The following NCAPG2 variants were observed in gnomAD, a reference collection of about 807,000 sequenced individuals.
The protein encoded by NCAPG2 is non-SMC condensin II complex subunit G2.
In NCAPG2, 53 loss-of-function variants were observed where a neutral mutation model predicts 141.1. The ratio of observed to expected loss-of-function variants is 0.38; its 90% CI spans 0.30 to 0.47. NCAPG2 has a LOEUF of 0.47. NCAPG2 is among the 20% of genes least tolerant of loss of function. NCAPG2 has a pLI of 0.99. For synonymous variants in NCAPG2, 499 were observed against 490.7 expected (o/e 1.02, Z -0.22); for missense variants, 1,087 against 1,389.0 (o/e 0.78, Z 3.46).
chr7:158,660,558 AG>A (rs1250395004), intron 16 of NCAPG2, among the ~76,000 whole-genome samples: 3 of 151,700 alleles, frequency 2.0e-5, no homozygotes, highest in Non-Finnish European at 4.4e-5. Context: ...TGGGACCAAA[AG>A]GCACAGGCCA....
At chr7:158,662,168 G>C in intron 16 of NCAPG2, 26 bp downstream of exon 16, 1 of 1,563,972 alleles carries the variant, frequency 6.4e-7, no homozygotes, top group Non-Finnish European at 8.6e-7. Flanking sequence ...AATATACCTT[G>C]CTTACAAGTA....
chr7:158,691,548 T>C (rs1835118693), intron 4 of NCAPG2, among the ~76,000 whole-genome samples: 1 of 152,210 alleles, frequency 6.6e-6, no homozygotes, highest in Non-Finnish European at 1.5e-5. Flanking sequence ...AGATACTTTG[T>C]CACAACAAAC....
chr7:158,685,497 T>C (rs1587269719), intron 8 of NCAPG2, among the ~76,000 whole-genome samples: 1 of 152,352 alleles, frequency 6.6e-6, no homozygotes, highest in African/African-American at 2.4e-5. Context: ...AATCTGCGGA[T>C]GCTCAAATTC....
At chr7:158,671,715 A>G (rs1833697610) in intron 12 of NCAPG2, 49 bp from the exon 13 acceptor site, 1 of 1,597,898 alleles carries the variant, frequency 6.3e-7, no homozygotes, top group Non-Finnish European at 8.5e-7. Context: ...CATGCCAATG[A>G]AAGGTTCAGG....
chr7:158,676,583 G>C (rs1435271738), intron 11 of NCAPG2, among the ~76,000 whole-genome samples: 4 of 152,144 alleles, frequency 2.6e-5, no homozygotes, highest in Admixed American at 2.6e-4. Context: ...CCCATTTAGA[G>C]CTGAAATGAT....
chr7:158,641,557 T>TG lies in NCAPG2; in HGVS notation c.3380+2731dup, dbSNP rs922474398. 32 of 614,138 alleles carry TG rather than the reference T, an allele frequency of 5.2e-5. No homozygotes were observed. In the East Asian group the frequency reaches 8.5e-4, roughly 16 times the overall value. The allele number at this position is 614,138 out of a possible 1,614,324, so 38.0% of individuals were successfully genotyped here. A position where few individuals can be genotyped will look rare whatever the true frequency, so the allele number is the denominator to read the frequency against. ...GGCAACACAGCAAGTCCTCATATCT[T>TG]GGAAAAAAAAAAAAAAAGGAAATGA... On this transcript the variant is annotated intron_variant, in intron 27 of 27. Coordinates refer to ENST00000356309, the MANE Select transcript of NCAPG2 (RefSeq NM_017760.7).
chr7:158,686,231 C>T lies in NCAPG2; in HGVS notation c.778G>A (p.Val260Ile), dbSNP rs760565283. The change falls in exon 8 of 28, where the codon GTA (valine) becomes ATA (isoleucine). Residue 260 changes from valine to isoleucine, a missense_variant. By Grantham distance (29) the Val-to-Ile change is conservative. Coordinates refer to ENST00000356309, the MANE Select transcript of NCAPG2 (RefSeq NM_017760.7). ...QLQGLQKSLM[V>I]YIAEIYFRAW... ...CTGAAATAAATTTCTGCAATGTATA[C>T]CATCAAAGACCTATATAAAAAGATC... 2 of 1,548,704 alleles carry T rather than the reference C, an allele frequency of 1.3e-6. No individual in the cohort carries two copies. The highest frequency in any genetic ancestry group is 2.5e-5 in the South Asian group (2 of 81,460).
chr7:158,689,356 T>A (rs1343785295), intron 6 of NCAPG2, among the ~76,000 whole-genome samples: 1 of 152,164 alleles, frequency 6.6e-6, no homozygotes, highest in Non-Finnish European at 1.5e-5. Context: ...TTTCAGGTGC[T>A]CAGTAGCCTC....
chr7:158,665,046 T>C (rs1257132903), intron 13 of NCAPG2: 3 of 256,022 alleles, frequency 1.2e-5, no homozygotes, highest in Non-Finnish European at 2.2e-5. Context: ...ATGATAGCTA[T>C]GATTGTCAAT....
At chr7:158,667,864 C>T (rs1436874139) in intron 13 of NCAPG2, among the ~76,000 whole-genome samples, 6 of 13,040 alleles carry the variant, frequency 4.6e-4, no homozygotes, top group Admixed American at 8.5e-4. Context: ...TGGGTCCCTC[C>T]GCCCTCCTTA....
intron 23 of NCAPG2, 135 bp downstream of exon 23, chr7:158,652,158 C>T (rs897846908): frequency 3.6e-5 from 31 of 868,970 alleles, no homozygotes; most frequent in Middle Eastern, 6.7e-4. Flanking sequence ...GTGCACCTCG[C>T]CAGCAGGGAC....
At chr7:158,679,920 G>C (rs1178249677) in intron 11 of NCAPG2, 40 bp downstream of exon 11, 1 of 1,608,762 alleles carries the variant, frequency 6.2e-7, no homozygotes, top group Non-Finnish European at 8.5e-7. Flanking sequence ...CCTGGACAAA[G>C]CTGATATCTG....
At chr7:158,697,018 ATGT>A (rs1300831185) in intron 2 of NCAPG2, among the ~76,000 whole-genome samples, 1 of 152,254 alleles carries the variant, frequency 6.6e-6, no homozygotes, top group Non-Finnish European at 1.5e-5. Context: ...ATTTGTGGTA[ATGT>A]TGGTGTAAAC....
intron 27 of NCAPG2, among the ~76,000 whole-genome samples, chr7:158,637,720 T>A (rs978947135): frequency 3.3e-5 from 5 of 152,142 alleles, no homozygotes; most frequent in African/African-American, 1.2e-4. Flanking sequence ...CCTGTCCGGG[T>A]GGGGGCTCCT....
Position 158,631,545 on chromosome 7 carries a change from A to G in NCAPG2, c.*121T>C. ...CCCCCACCTTCCCACATTCCCACAA[A>G]AAAATCCCACCCTTTCCCTATTATA... On this transcript the variant is annotated 3_prime_UTR_variant, in exon 28 of 28. Coordinates refer to ENST00000356309, the MANE Select transcript of NCAPG2 (RefSeq NM_017760.7). The G allele has an allele frequency of 9.9e-7, 1 of 1,007,704 alleles. No homozygotes were observed. The highest frequency in any genetic ancestry group is 1.5e-6 in the Non-Finnish European group (1 of 654,080). 62.4% of individuals were successfully genotyped at this position (1,007,704 alleles called of 1,614,324 possible). A position where few individuals can be genotyped will look rare whatever the true frequency, so the allele number is the denominator to read the frequency against.
In NCAPG2 at chr7:158,684,092, G is replaced by A. The variant is rs139507418; in HGVS notation, c.838-706C>T. 2.2e-3 allele frequency among the ~76,000 whole-genome samples: 328 copies of A among 152,326 alleles called. 2 individuals are homozygous for A. Among genetic ancestry groups the A allele is most frequent in the Admixed American group, 2.0e-3 (30 of 15,302 alleles). On this transcript the variant is annotated intron_variant, in intron 8 of 27. Transcript: ENST00000356309. ...TTAATACTAATACAAACCAGAGTCT[G>A]CAGATGCTCAAGTTCCTCTTCCCCA...
intron 11 of NCAPG2, among the ~76,000 whole-genome samples, chr7:158,678,531 GTCTCGC>G (rs1433118120): frequency 6.6e-6 from 1 of 151,874 alleles, no homozygotes; most frequent in Non-Finnish European, 1.5e-5. Context: ...AAGAGTCAGG[GTCTCGC>G]TCTATCGCCC....
At chr7:158,692,446 C>T (rs1416348443) in intron 4 of NCAPG2, among the ~76,000 whole-genome samples, 1 of 152,218 alleles carries the variant, frequency 6.6e-6, no homozygotes, top group Non-Finnish European at 1.5e-5. Context: ...TTCAACAATG[C>T]TCATGAAAAC....
chr7:158,689,780 G>T, intron 6 of NCAPG2, 39 bp downstream of exon 6: 4 of 1,494,482 alleles, frequency 2.7e-6, no homozygotes, highest in Non-Finnish European at 3.6e-6. Context: ...CTATTAAGAA[G>T]CAGCTCACAA....
Sources: gnomAD v4.1 joint callset for allele counts (sites outside exome capture counted in the v4.1 genomes callset) on GRCh38, gnomAD v4.1.1 for gene constraint, MANE v1.5 for transcripts, NCBI Gene and HGNC (gene_info 2026-07-23, HGNC 2026-07-21) for gene names.